C8orf34: variants seen among roughly 807,000 people sequenced by gnomAD.
The protein encoded by C8orf34 is chromosome 8 open reading frame 34, also known as uncharacterized protein C8orf34.
Under a neutral mutation model 68.3 loss-of-function variants are expected in C8orf34, and 65 were observed. The observed-to-expected ratio is 0.95, with a 90% confidence interval of 0.78 to 1.17. C8orf34 has a LOEUF of 1.17. Ranked by LOEUF, C8orf34 falls within the 50% of genes most tolerant of loss-of-function variation. The probability of loss-of-function intolerance (pLI) is 0.00; values close to 1 mark genes in which losing one functional copy is unlikely to be tolerated. For synonymous variants in C8orf34, 244 were observed against 241.2 expected, an observed-to-expected ratio of 1.01 and a Z score of -0.11; for missense variants, 664 against 655.4, an observed-to-expected ratio of 1.01 and a Z score of -0.14.
chr8:68,559,027 T>G (rs138706202), intron 7 of C8orf34, among the ~76,000 whole-genome samples: 1 of 152,148 alleles, frequency 6.6e-6, no homozygotes, highest in African/African-American at 2.4e-5. Flanking sequence ...GTTAGAAAGG[T>G]GGGTTTTCTT....
At chr8:68,526,166 G>T (rs770560097) in intron 6 of C8orf34, among the ~76,000 whole-genome samples, 1 of 151,678 alleles carries the variant, frequency 6.6e-6, no homozygotes, top group Non-Finnish European at 1.5e-5. Flanking sequence ...TCACTATGTT[G>T]CCCAGGCAGG....
intron 7 of C8orf34, among the ~76,000 whole-genome samples, chr8:68,566,391 T>A (rs565665463): frequency 6.6e-6 from 1 of 152,302 alleles, no homozygotes; most frequent in Admixed American, 6.5e-5. Flanking sequence ...TAGCTCCCAC[T>A]TATAAGAGAG....
chr8:68,659,028 AG>A (rs1257646596), intron 8 of C8orf34, among the ~76,000 whole-genome samples: 1 of 152,090 alleles, frequency 6.6e-6, no homozygotes, highest in Non-Finnish European at 1.5e-5. Flanking sequence ...CTCATCAGGA[AG>A]GGAGATATTT....
chr8:68,736,215 G>C (rs1182782530), intron 10 of C8orf34, among the ~76,000 whole-genome samples: 1 of 152,128 alleles, frequency 6.6e-6, no homozygotes, highest in African/African-American at 2.4e-5. Context: ...TTTTCATACT[G>C]TCAGTAAAAT....
rs370283809 is a variant in C8orf34, at chr8:68,560,692, C to T, written c.1105+27543C>T. ...ATTTGTGCATCTAAACTTATCTAAA[C>T]GTAGAAAAGTACAGTAAAAAATGGT... is the stretch of plus-strand genomic sequence containing the variant. On this transcript the variant is annotated intron_variant, in intron 7 of 13. Transcript: ENST00000518698. Among the ~76,000 whole-genome samples, 23 of 152,124 alleles carry T rather than the reference C, an allele frequency of 1.5e-4. No individual in the cohort carries two copies. In the East Asian group the frequency reaches 2.5e-3, roughly 17 times the overall value.
chr8:68,355,442 T>C (rs1328010963), intron 1 of C8orf34, among the ~76,000 whole-genome samples: 1 of 152,140 alleles, frequency 6.6e-6, no homozygotes, highest in Non-Finnish European at 1.5e-5. Context: ...GTGAGGAATT[T>C]ATGAGGTGAA....
intron 10 of C8orf34, among the ~76,000 whole-genome samples, chr8:68,770,680 A>G (rs1823313534): frequency 6.6e-6 from 1 of 152,202 alleles, no homozygotes; most frequent in Non-Finnish European, 1.5e-5. Flanking sequence ...AGAAAAATAA[A>G]AACGGCTTTA....
At chr8:68,384,604 A>ATGG (rs1586029097) in intron 1 of C8orf34, among the ~76,000 whole-genome samples, 2 of 152,240 alleles carry the variant, frequency 1.3e-5, no homozygotes, top group East Asian at 3.9e-4. Context: ...GGGTGAGTTT[A>ATGG]TTCCATAAGG....
chr8:68,345,574 T>G (rs1218545661), intron 1 of C8orf34, among the ~76,000 whole-genome samples: 1 of 151,962 alleles, frequency 6.6e-6, no homozygotes, highest in African/African-American at 2.4e-5. Flanking sequence ...TCAATATTCA[T>G]AGTAGGAAAA....
At chr8:68,701,523 C>G (rs1309020744) in intron 8 of C8orf34, among the ~76,000 whole-genome samples, 1 of 150,938 alleles carries the variant, frequency 6.6e-6, no homozygotes, top group South Asian at 2.1e-4. Flanking sequence ...ATTTTTTTTT[C>G]CCCGCTCTTT....
At chr8:68,774,932 C>T (rs1200148478) in intron 10 of C8orf34, among the ~76,000 whole-genome samples, 1 of 70,810 alleles carries the variant, frequency 1.4e-5, no homozygotes, top group African/African-American at 8.0e-5. Context: ...CATGATGAAA[C>T]CCTGTCTCCA....
At chr8:68,392,959 C>A (rs942527678) in intron 1 of C8orf34, among the ~76,000 whole-genome samples, 1 of 152,072 alleles carries the variant, frequency 6.6e-6, no homozygotes. Context: ...TTTGTTTAAT[C>A]CATTAGCCAA....
intron 3 of C8orf34, among the ~76,000 whole-genome samples, chr8:68,461,688 A>C (rs1444241755): frequency 6.6e-6 from 1 of 152,180 alleles, no homozygotes; most frequent in Non-Finnish European, 1.5e-5. Context: ...ATCCAGCCAA[A>C]CTAAGCTTCG....
At chr8:68,740,159 C>T (rs1822240514) in intron 10 of C8orf34, among the ~76,000 whole-genome samples, 1 of 151,988 alleles carries the variant, frequency 6.6e-6, no homozygotes, top group Admixed American at 6.6e-5. Flanking sequence ...TTCTGGAAGA[C>T]AACCTAGGCA....
chr8:68,419,968 T>A, intron 1 of C8orf34, among the ~76,000 whole-genome samples: 1 of 130,368 alleles, frequency 7.7e-6, no homozygotes, highest in African/African-American at 2.9e-5. Context: ...CCCTAAAACT[T>A]AAAGTATAAT....
intron 5 of C8orf34, among the ~76,000 whole-genome samples, chr8:68,509,934 G>T (rs74702620): frequency 2.0e-5 from 3 of 152,026 alleles, no homozygotes; most frequent in Non-Finnish European, 4.4e-5. Context: ...CCCTGCTGTC[G>T]GTAGGCTCAA....
At chr8:68,372,781 G>A (rs1807617896) in intron 1 of C8orf34, among the ~76,000 whole-genome samples, 1 of 152,044 alleles carries the variant, frequency 6.6e-6, no homozygotes, top group Non-Finnish European at 1.5e-5. Flanking sequence ...GCCCCAGTGT[G>A]TGATGTTCCC....
At chr8:68,720,810 C>A (rs1384754696) in intron 9 of C8orf34, among the ~76,000 whole-genome samples, 1 of 151,938 alleles carries the variant, frequency 6.6e-6, no homozygotes, top group African/African-American at 2.4e-5. Flanking sequence ...AAAGCCACTA[C>A]TCACCCACCC....
At chr8:68,505,458 G>A (rs1220408985) in intron 5 of C8orf34, among the ~76,000 whole-genome samples, 1 of 94,730 alleles carries the variant, frequency 1.1e-5, no homozygotes, top group East Asian at 2.8e-4. Flanking sequence ...TGGGCCGGGC[G>A]CGGTGGCTCA....
Sources: gnomAD v4.1 joint callset for allele counts (sites outside exome capture counted in the v4.1 genomes callset) on GRCh38, gnomAD v4.1.1 for gene constraint, MANE v1.5 for transcripts, NCBI Gene and HGNC (gene_info 2026-07-23, HGNC 2026-07-21) for gene names.